Variants in DDHD1 observed in about 807,000 individuals in gnomAD.
The protein encoded by DDHD1 is DDHD domain containing 1, also known as phospholipase DDHD1.
In DDHD1, 49 loss-of-function variants were observed where a neutral mutation model predicts 96.4. The observed-to-expected ratio is 0.51, with a 90% CI of 0.40 to 0.64. The LOEUF is 0.64. DDHD1 is among the 30% of genes least tolerant of loss of function. DDHD1 has a pLI of 0.00. For missense variants in DDHD1, 1,106 were observed against 1,161.2 expected, an observed-to-expected ratio of 0.95 and a Z score of 0.69; for synonymous variants, 442 against 446.5, an observed-to-expected ratio of 0.99 and a Z score of 0.13.
intron 8 of DDHD1, among the ~76,000 whole-genome samples, chr14:53,060,050 CA>C (rs1883419018): frequency 6.6e-6 from 1 of 151,626 alleles, no homozygotes; most frequent in East Asian, 1.9e-4. Context: ...GAGATAGATT[CA>C]ATTTAAAAAC....
chr14:53,119,161 A>C (rs1888786896), intron 1 of DDHD1, among the ~76,000 whole-genome samples: 1 of 152,234 alleles, frequency 6.6e-6, no homozygotes, highest in Non-Finnish European at 1.5e-5. Context: ...CTCCTGAAGG[A>C]AGCACTAAAC....
chr14:53,055,934 C>A, intron 9 of DDHD1, 22 bp from the exon 10 acceptor site: 1 of 1,579,626 alleles, frequency 6.3e-7, no homozygotes, highest in South Asian at 1.1e-5. Flanking sequence ...AAAAAAAATT[C>A]AAAGAAACAC....
At chr14:53,110,441 T>C (rs1484661230) in intron 1 of DDHD1, among the ~76,000 whole-genome samples, 2 of 152,242 alleles carry the variant, frequency 1.3e-5, no homozygotes, top group East Asian at 3.8e-4. Context: ...CTTACTTCTG[T>C]ATCTTGCATA....
At chr14:53,073,621 G>A in intron 5 of DDHD1, 120 bp downstream of exon 5, 1 of 716,594 alleles carries the variant, frequency 1.4e-6, no homozygotes, top group East Asian at 2.7e-5. Context: ...CATATCTCAA[G>A]ACAATTAAAT....
At chr14:53,067,761 C>T (rs1376732423) in intron 6 of DDHD1, among the ~76,000 whole-genome samples, 2 of 152,162 alleles carry the variant, frequency 1.3e-5, no homozygotes, top group Admixed American at 1.3e-4. Context: ...CCTGCCCAGC[C>T]TCTTATTTGA....
Position 53,153,150 on chromosome 14 carries a change from GCGCTTCCGCCACACATT to G in DDHD1, c.-69_-53del, listed in dbSNP as rs1487670020. On this transcript the variant is annotated 5_prime_UTR_variant, in exon 1 of 13. The change abolishes an upstream ATG in the 5' untranslated region. Coordinates refer to ENST00000673822, the MANE Select transcript of DDHD1 (RefSeq NM_001160148.2). ...GCGGCGCGCGGAGCCGTGACCCCCA[GCGCTTCCGCCACACATT>G]CAACGCCGCCGCCCTCTCCACCCGA... 2 of 1,324,744 alleles carry G rather than the reference GCGCTTCCGCCACACATT, an allele frequency of 1.5e-6. No individual in the cohort carries two copies. Among genetic ancestry groups the G allele is most frequent in the East Asian group, 6.2e-5 (2 of 32,190 alleles). 82.1% of individuals were successfully genotyped at this position (1,324,744 alleles called of 1,614,324 possible). A position where few individuals can be genotyped will look rare whatever the true frequency, so the allele number is the denominator to read the frequency against.
intron 11 of DDHD1, 73 bp from the exon 12 acceptor site, chr14:53,052,000 C>A: frequency 9.2e-7 from 1 of 1,085,972 alleles, no homozygotes; most frequent in South Asian, 1.4e-5. Context: ...GATGTAGTGG[C>A]CAAAAGTTAG....
chr14:53,148,499 G>C (rs8019141), intron 1 of DDHD1, among the ~76,000 whole-genome samples: 111,578 of 151,706 alleles, frequency 0.74, 43,715 homozygotes, highest in East Asian at 0.96. Context: ...TTTTAGGAGA[G>C]ACAGGGTTTC....
intron 8 of DDHD1, 130 bp from the exon 9 acceptor site, chr14:53,058,756 G>C: frequency 2.6e-6 from 2 of 774,610 alleles, no homozygotes; most frequent in Non-Finnish European, 4.0e-6. Flanking sequence ...TTTTTAATAA[G>C]AGTTATCCAG....
Position 53,140,142 on chromosome 14 carries a change from GA to G in DDHD1, c.838+12118del, listed in dbSNP as rs1418880271. On this transcript the variant is annotated intron_variant, in intron 1 of 12. Transcript: ENST00000673822. ...AAAATTATGCAAATAGAAATACAAA[GA>G]AAAAAAAGAGTGGGGGAAAAATTAA... Among the ~76,000 whole-genome samples, 15 of 151,770 alleles carry G rather than the reference GA, an allele frequency of 9.9e-5. No individual in the cohort carries two copies. The South Asian group carries it at 2.1e-3, about 21-fold the overall frequency.
intron 1 of DDHD1, among the ~76,000 whole-genome samples, chr14:53,147,810 C>G (rs769105657): frequency 3.9e-5 from 6 of 152,134 alleles, no homozygotes; most frequent in Non-Finnish European, 1.5e-5. Flanking sequence ...TTTTCAGGGT[C>G]AGGCACGATC....
chr14:53,113,663 C>A (rs1888315698), intron 1 of DDHD1, among the ~76,000 whole-genome samples: 1 of 152,144 alleles, frequency 6.6e-6, no homozygotes, highest in Admixed American at 6.5e-5. Flanking sequence ...CTCCGCCAGC[C>A]AAGGGAAGCC....
intron 2 of DDHD1, among the ~76,000 whole-genome samples, chr14:53,099,468 T>C (rs148825471): frequency 6.0e-4 from 91 of 152,342 alleles, no homozygotes; most frequent in African/African-American, 2.1e-3. Flanking sequence ...TTGACACTTT[T>C]GAAGACTGCT....
chr14:53,076,449 T>C (rs1555333565), intron 4 of DDHD1, among the ~76,000 whole-genome samples: 2 of 152,200 alleles, frequency 1.3e-5, no homozygotes, highest in Non-Finnish European at 2.9e-5. Flanking sequence ...AGTTGCTTCT[T>C]ATGGATGAAC....
intron 7 of DDHD1, among the ~76,000 whole-genome samples, chr14:53,062,235 C>CCTTAGTT (rs1444824208): frequency 1.3e-5 from 2 of 151,684 alleles, no homozygotes; most frequent in Non-Finnish European, 2.9e-5. Flanking sequence ...TAAATGAAAT[C>CCTTAGTT]CTTAGTTAAC....
At chr14:53,122,151 T>C (rs1370767474) in intron 1 of DDHD1, among the ~76,000 whole-genome samples, 1 of 152,232 alleles carries the variant, frequency 6.6e-6, no homozygotes, top group Admixed American at 6.5e-5. Context: ...ATTGGGTTCC[T>C]GCAGGATGCA....
At chr14:53,150,633 G>A (rs1370147723) in intron 1 of DDHD1, among the ~76,000 whole-genome samples, 1 of 152,028 alleles carries the variant, frequency 6.6e-6, no homozygotes. Flanking sequence ...CCCTCTCCAA[G>A]GATACCCTGT....
intron 12 of DDHD1, among the ~76,000 whole-genome samples, chr14:53,049,242 C>A (rs998245813): frequency 2.6e-5 from 4 of 152,154 alleles, no homozygotes; most frequent in African/African-American, 9.7e-5. Context: ...CTCCATCTAT[C>A]CTTCCATATT....
At chr14:53,087,441 C>G (rs1566552963) in intron 4 of DDHD1, among the ~76,000 whole-genome samples, 1 of 152,100 alleles carries the variant, frequency 6.6e-6, no homozygotes, top group Non-Finnish European at 1.5e-5. Flanking sequence ...GGTAAAAGAA[C>G]CCAAATGACA....
Sources: allele counts gnomAD v4.1 joint callset (sites outside exome capture counted in the v4.1 genomes callset), GRCh38; gene constraint gnomAD v4.1.1; transcripts MANE v1.5; gene names NCBI Gene and HGNC (gene_info 2026-07-23, HGNC 2026-07-21).